The following IBTK variants were observed in gnomAD, a reference collection of about 807,000 sequenced individuals.
IBTK encodes the protein inhibitor of Bruton tyrosine kinase.
In IBTK, 83 loss-of-function variants were observed where a neutral mutation model predicts 154.9. The observed-to-expected ratio is 0.54, with a 90% CI of 0.45 to 0.64. The LOEUF (loss-of-function observed/expected upper bound fraction) is 0.64, where lower values mean the gene tolerates loss of function less well. Among genes scored for constraint, IBTK ranks in the 30% least tolerant of loss-of-function variants. The pLI is 0.00. For missense variants in IBTK, 1,332 were observed against 1,584.6 expected (o/e 0.84, Z 2.71); for synonymous variants, 515 against 536.1 (o/e 0.96, Z 0.54).
intron 23 of IBTK, among the ~76,000 whole-genome samples, chr6:82,193,673 C>A (rs1311948894): frequency 1.3e-5 from 2 of 151,990 alleles, no homozygotes; most frequent in African/African-American, 4.8e-5. Flanking sequence ...ATCTGCTACT[C>A]ATTTAACTTT....
chr6:82,200,154 ACT>A lies in IBTK; in HGVS notation c.3010_3011del (p.Pro1005IlefsTer10). ...GGYNLSDIIQ[S>X]PSSTGLLKSG... ...CTTTCCACGAACCTGTAGATGATGGACTCTGAATAATATCTGAAAGGTTATAA... is the reference window on the plus strand; with the variant it reads ...CTTTCCACGAACCTGTAGATGATGGACTGAATAATATCTGAAAGGTTATAA... On this transcript the variant is annotated frameshift_variant, in exon 21 of 29. Coordinates refer to ENST00000306270, the MANE Select transcript of IBTK (RefSeq NM_015525.4). LOFTEE classifies it high-confidence loss of function. 6.2e-7 allele frequency: 1 copy of A among 1,600,602 alleles called. No individual in the cohort carries two copies. The highest frequency in any genetic ancestry group is 8.5e-7 in the Non-Finnish European group (1 of 1,169,746).
chr6:82,204,798 G>T, intron 17 of IBTK, 59 bp downstream of exon 17: 1 of 1,082,172 alleles, frequency 9.2e-7, no homozygotes, highest in Non-Finnish European at 1.3e-6. Context: ...AGTCAATAAA[G>T]TACAGTAATC....
At position 82,196,394 on chromosome 6, in the gene IBTK, C is replaced by T. The variant is rs1258980922; in HGVS notation, c.3078G>A (p.Leu1026=). The change falls in exon 22 of 29, where the codon TTG becomes TTA. Residue 1026 remains leucine, a synonymous_variant. Coordinates refer to ENST00000306270, the MANE Select transcript of IBTK (RefSeq NM_015525.4). Reference sequence around the variant, plus strand: ...CATAGCTTCCTTCAGAGTCTGATGTCAACAGTTCTGGAAGAGATTCCACAG... The same window carrying T: ...CATAGCTTCCTTCAGAGTCTGATGTTAACAGTTCTGGAAGAGATTCCACAG... ...TNSVESLPEL[L]TSDSEGSYAG... 6.2e-7 allele frequency: 1 copy of T among 1,612,456 alleles called. No individual in the cohort carries two copies. Among genetic ancestry groups the T allele is most frequent in the Admixed American group, 1.7e-5 (1 of 59,922 alleles).
intron 27 of IBTK, 32 bp downstream of exon 27, chr6:82,173,335 T>C (rs200635302): frequency 1.3e-6 from 2 of 1,502,868 alleles, no homozygotes; most frequent in African/African-American, 2.8e-5. Flanking sequence ...CAACTTAGCT[T>C]TGGAGGCCCA....
At chr6:82,193,672 T>C (rs1340735295) in intron 23 of IBTK, among the ~76,000 whole-genome samples, 1 of 152,102 alleles carries the variant, frequency 6.6e-6, no homozygotes, top group Non-Finnish European at 1.5e-5. Flanking sequence ...CATCTGCTAC[T>C]CATTTAACTT....
intron 2 of IBTK, among the ~76,000 whole-genome samples, chr6:82,234,701 T>C (rs1770651237): frequency 6.6e-6 from 1 of 152,114 alleles, no homozygotes; most frequent in Non-Finnish European, 1.5e-5. Flanking sequence ...AAAAAAAATT[T>C]AATAATGATT....
intron 2 of IBTK, among the ~76,000 whole-genome samples, chr6:82,234,780 G>T (rs988446533): frequency 2.0e-5 from 3 of 151,972 alleles, no homozygotes; most frequent in Non-Finnish European, 4.4e-5. Context: ...TCACATATCC[G>T]ACTCTTGCTG....
rs984200700 is a variant in IBTK, at chr6:82,225,736, A to G, written c.655-89T>C. On this transcript the variant is annotated intron_variant, in intron 5 of 28. Transcript: ENST00000306270. ...TTGATGATACTACATCTAAAATGAC[A>G]TGAAATGACATGACTGATACATGGC... is the stretch of plus-strand genomic sequence containing the variant. 4.6e-5 allele frequency: 42 copies of G among 913,104 alleles called. No homozygotes were observed. The South Asian group carries it at 5.9e-4, about 13-fold the overall frequency. 56.6% of individuals were successfully genotyped at this position (913,104 alleles called of 1,614,324 possible).
chr6:82,205,004 T>C (rs772446529), intron 16 of IBTK, 46 bp from the exon 17 acceptor site: 2 of 1,252,462 alleles, frequency 1.6e-6, no homozygotes, highest in South Asian at 2.9e-5. Flanking sequence ...TTGTATACAT[T>C]ATACCTAGAA....
Position 82,191,230 on chromosome 6 carries a change from CA to C in IBTK, c.3432-15del. On this transcript the variant is annotated splice_polypyrimidine_tract_variant and intron_variant, in intron 24 of 28. Transcript: ENST00000306270. ...GAAACTGTTTTGCTAGAAATTAAACCAATTAGTTTCAGTGGTTTCTTCTGAC... is the reference window on the plus strand; with the variant it reads ...GAAACTGTTTTGCTAGAAATTAAACCATTAGTTTCAGTGGTTTCTTCTGAC... 1 of 1,590,972 alleles carries C rather than the reference CA, an allele frequency of 6.3e-7. No homozygotes were observed.
chr6:82,170,310 G>C lies in IBTK; in HGVS notation c.*1115C>G, dbSNP rs987059149. 2 of 152,572 alleles carry C rather than the reference G, an allele frequency of 1.3e-5. No homozygotes were observed. The highest frequency in any genetic ancestry group is 4.8e-5 in the African/African-American group (2 of 41,440). The allele number at this position is 152,572 out of a possible 1,614,324, so 9.5% of individuals were successfully genotyped here. A position where few individuals can be genotyped will look rare whatever the true frequency, so the allele number is the denominator to read the frequency against. ...GCTGCTTTTGGGCAGAGTTAAACCT[G>C]ACATATTGAGTCAGTTTCCGTCATT... is the stretch of plus-strand genomic sequence containing the variant. On this transcript the variant is annotated 3_prime_UTR_variant, in exon 29 of 29. Coordinates refer to ENST00000306270, the MANE Select transcript of IBTK (RefSeq NM_015525.4).
intron 26 of IBTK, among the ~76,000 whole-genome samples, chr6:82,174,135 C>T (rs1768027533): frequency 1.3e-5 from 2 of 151,994 alleles, no homozygotes; most frequent in South Asian, 4.2e-4. Context: ...TCTCTTTCAG[C>T]AATGAGAAAA....
intron 1 of IBTK, among the ~76,000 whole-genome samples, chr6:82,245,058 C>T (rs1231400477): frequency 1.3e-5 from 2 of 152,176 alleles, no homozygotes; most frequent in Non-Finnish European, 2.9e-5. Context: ...CTGAACAAAA[C>T]TTATGATCTA....
intron 8 of IBTK, 78 bp downstream of exon 8, chr6:82,223,362 T>G (rs1562098962): frequency 1.7e-6 from 2 of 1,182,662 alleles, no homozygotes; most frequent in East Asian, 5.0e-5. Context: ...GAACATAGCA[T>G]AAAGCTAACA....
rs915854705 is a variant in IBTK at position 82,240,621 on chromosome 6, G to A, written c.-135C>T. The stretch of plus-strand genomic sequence containing the variant: ...TTTTTAGGATAATTTAAATCCTCCT[G>A]ACAATAGTATAAAACTATATATCTT... On this transcript the variant is annotated 5_prime_UTR_variant, in exon 2 of 29. Coordinates refer to ENST00000306270, the MANE Select transcript of IBTK (RefSeq NM_015525.4). 4 of 709,708 alleles carry A rather than the reference G, an allele frequency of 5.6e-6. No homozygotes were observed. Among genetic ancestry groups the A allele is most frequent in the Non-Finnish European group, 9.2e-6 (4 of 435,328 alleles). The allele number at this position is 709,708 out of a possible 1,614,324, so 44.0% of individuals were successfully genotyped here. A position where few individuals can be genotyped will look rare whatever the true frequency, so the allele number is the denominator to read the frequency against.
At chr6:82,224,720 T>C (rs1014575466) in intron 6 of IBTK, among the ~76,000 whole-genome samples, 3 of 152,208 alleles carry the variant, frequency 2.0e-5, no homozygotes, top group Non-Finnish European at 4.4e-5. Context: ...TTGTCACGTG[T>C]GATATCTGTG....
rs372861343 is a variant in IBTK, at chr6:82,240,678, A to G, written c.-192T>C. ...ATTTTTTGGCACTTAAATCAAAAAAATTATAAATAGCTCTATAAAGTTCAT... is the reference window on the plus strand; with the variant it reads ...ATTTTTTGGCACTTAAATCAAAAAAGTTATAAATAGCTCTATAAAGTTCAT... On this transcript the variant is annotated 5_prime_UTR_variant, in exon 2 of 29. Transcript: ENST00000306270. The G allele has an allele frequency of 1.6e-4, 83 of 528,076 alleles. No individual in the cohort carries two copies. The East Asian group carries it at 2.3e-3, about 15-fold the overall frequency. 32.7% of individuals were successfully genotyped at this position (528,076 alleles called of 1,614,324 possible). A position where few individuals can be genotyped will look rare whatever the true frequency, so the allele number is the denominator to read the frequency against.
At chr6:82,205,105 A>G in intron 16 of IBTK, 147 bp from the exon 17 acceptor site, 3 of 424,938 alleles carry the variant, frequency 7.1e-6, no homozygotes, top group East Asian at 3.6e-5. Flanking sequence ...GAGATTTAAG[A>G]TTATTTTCTA....
At chr6:82,189,167 T>TA (rs776645443) in intron 25 of IBTK, 7 of 276,648 alleles carry the variant, frequency 2.5e-5, no homozygotes, top group Admixed American at 4.9e-5. Flanking sequence ...CCCTAGAACT[T>TA]AAAGACATGC....
Sources: allele counts gnomAD v4.1 joint callset (sites outside exome capture counted in the v4.1 genomes callset), GRCh38; gene constraint gnomAD v4.1.1; transcripts MANE v1.5; gene names NCBI Gene and HGNC (gene_info 2026-07-23, HGNC 2026-07-21).